CAPSL: variants seen among roughly 807,000 people sequenced by gnomAD.
CAPSL encodes the protein calcyphosine like.
Under a neutral mutation model 21.3 loss-of-function variants are expected in CAPSL, and 17 were observed. The ratio of observed to expected loss-of-function variants is 0.80; its 90% CI spans 0.55 to 1.20. The LOEUF is 1.20. Among genes scored for constraint, CAPSL ranks in the 50% most tolerant of loss-of-function variants. The pLI is 0.00. For missense variants in CAPSL, 289 were observed against 259.3 expected, an observed-to-expected ratio of 1.11 and a Z score of -0.79; for synonymous variants, 102 against 89.3, an observed-to-expected ratio of 1.14 and a Z score of -0.80.
At chr5:35,908,874 G>T (rs1030545804) in intron 4 of CAPSL, among the ~76,000 whole-genome samples, 2 of 152,116 alleles carry the variant, frequency 1.3e-5, no homozygotes, top group African/African-American at 4.8e-5. Flanking sequence ...TAAAAAGTTG[G>T]AGCACATTCC....
chr5:35,930,212 CAGAA>C (rs1738786080), intron 1 of CAPSL, among the ~76,000 whole-genome samples: 1 of 152,098 alleles, frequency 6.6e-6, no homozygotes, highest in South Asian at 2.1e-4. Context: ...TTCTCTGTAT[CAGAA>C]TACATTTTCT....
At chr5:35,907,140 G>A (rs1022202048) in intron 4 of CAPSL, among the ~76,000 whole-genome samples, 1 of 152,042 alleles carries the variant, frequency 6.6e-6, no homozygotes, top group Non-Finnish European at 1.5e-5. Flanking sequence ...CTCTTGACTA[G>A]GCTACCTTTA....
intron 1 of CAPSL, among the ~76,000 whole-genome samples, chr5:35,922,226 A>G (rs974079972): frequency 1.9e-4 from 29 of 152,282 alleles, no homozygotes; most frequent in Admixed American, 7.2e-4. Flanking sequence ...CGTCTATGCC[A>G]AGAGTGTTGT....
At chr5:35,928,888 C>A (rs1308291374) in intron 1 of CAPSL, among the ~76,000 whole-genome samples, 2 of 152,174 alleles carry the variant, frequency 1.3e-5, no homozygotes, top group South Asian at 4.1e-4. Context: ...ACAGCACTCA[C>A]CAAGCACAGT....
intron 1 of CAPSL, among the ~76,000 whole-genome samples, chr5:35,922,866 A>T (rs758364919): frequency 1.3e-5 from 2 of 152,188 alleles, no homozygotes; most frequent in Non-Finnish European, 2.9e-5. Context: ...TGAGTCACAG[A>T]CAAGACCACC....
intron 1 of CAPSL, among the ~76,000 whole-genome samples, chr5:35,937,837 C>CAA (rs11369328): frequency 0.052 from 7,675 of 146,432 alleles, 277 homozygotes; most frequent in East Asian, 0.099. Context: ...AAAAATAAGT[C>CAA]AAAAAAAAAA....
intron 2 of CAPSL, 35 bp downstream of exon 2, chr5:35,920,949 C>A (rs570721664): frequency 5.0e-6 from 8 of 1,606,950 alleles, no homozygotes; most frequent in Non-Finnish European, 6.8e-6. Context: ...CATTCCTTCC[C>A]GCTCCATTCC....
chr5:35,912,189 G>T (rs1485632383), intron 2 of CAPSL, among the ~76,000 whole-genome samples: 1 of 152,204 alleles, frequency 6.6e-6, no homozygotes, highest in Non-Finnish European at 1.5e-5. Flanking sequence ...GCTGAGGCTT[G>T]AGACGGTAAA....
chr5:35,906,563 C>A (rs1048779494), intron 4 of CAPSL, among the ~76,000 whole-genome samples: 2 of 152,106 alleles, frequency 1.3e-5, no homozygotes, highest in African/African-American at 4.8e-5. Context: ...GAAGGAAAGG[C>A]CAGGAAAATC....
At chr5:35,911,975 G>T (rs1234031595) in intron 2 of CAPSL, among the ~76,000 whole-genome samples, 2 of 152,184 alleles carry the variant, frequency 1.3e-5, no homozygotes, top group Non-Finnish European at 2.9e-5. Flanking sequence ...AGAAAGGGGT[G>T]ACAGACGGCA....
intron 2 of CAPSL, among the ~76,000 whole-genome samples, chr5:35,916,868 A>G (rs184102155): frequency 6.6e-6 from 1 of 152,326 alleles, no homozygotes; most frequent in Admixed American, 6.5e-5. Flanking sequence ...GACAAATGGC[A>G]TCTAATTAAA....
chr5:35,921,009 A>G lies in CAPSL; in HGVS notation c.112T>C (p.Ser38Pro). ...CTGCCAAGTCCTTTGATCCCAGCAG[A>G]GCCCCTGGCCAGGCACTGCAGTCGG... ...RLRLQCLARG[S>P]AGIKGLGRVF... The change falls in exon 2 of 5, where the codon TCT (serine) becomes CCT (proline). Residue 38 changes from serine to proline, a missense_variant. Ser to Pro is a moderately conservative substitution (Grantham distance 74). Transcript: ENST00000651391. 2 of 1,614,038 alleles carry G rather than the reference A, an allele frequency of 1.2e-6. No homozygotes were observed. The highest frequency in any genetic ancestry group is 2.2e-5 in the East Asian group (1 of 44,868).
At chr5:35,914,412 T>C (rs1213113293) in intron 2 of CAPSL, among the ~76,000 whole-genome samples, 8 of 152,248 alleles carry the variant, frequency 5.3e-5, no homozygotes, top group African/African-American at 1.7e-4. Context: ...ATACATTCTT[T>C]TCAGCACCAC....
chr5:35,921,985 T>G (rs1738551057), intron 1 of CAPSL, among the ~76,000 whole-genome samples: 1 of 151,878 alleles, frequency 6.6e-6, no homozygotes, highest in South Asian at 2.1e-4. Flanking sequence ...AAATGGGGGA[T>G]TCTGGAAGTT....
chr5:35,925,985 A>C (rs1738664869), intron 1 of CAPSL, among the ~76,000 whole-genome samples: 1 of 149,984 alleles, frequency 6.7e-6, no homozygotes, highest in Non-Finnish European at 1.5e-5. Context: ...CTGAGGCAGG[A>C]GAATCGCTTG....
chr5:35,912,958 GA>G (rs200072861), intron 2 of CAPSL, among the ~76,000 whole-genome samples: 5 of 151,396 alleles, frequency 3.3e-5, no homozygotes, highest in African/African-American at 4.8e-5. Flanking sequence ...TAAAAACCTT[GA>G]AAAAAAAATT....
At chr5:35,916,927 C>G (rs1371795228) in intron 2 of CAPSL, among the ~76,000 whole-genome samples, 1 of 152,148 alleles carries the variant, frequency 6.6e-6, no homozygotes, top group Non-Finnish European at 1.5e-5. Context: ...AGTGAAGAGG[C>G]AACCTACAGA....
At position 35,904,625 on chromosome 5, in the gene CAPSL, T is replaced by C; in HGVS notation, c.547A>G (p.Asn183Asp). ...GATGCGCTCACACCTGCATAGTAGT[T>C]CATGAACTCCTCAGGGGTCACCTGC... Reference protein sequence around the residue: ...DGLVTPEEFMNYYAGVSASID... With the variant: ...DGLVTPEEFMDYYAGVSASID... Residue 183 changes from asparagine to aspartate, a missense_variant, in exon 5 of 5, where the codon AAC becomes GAC. Transcript: ENST00000651391. The C allele has an allele frequency of 6.2e-7, 1 of 1,613,800 alleles. No individual in the cohort carries two copies. Among genetic ancestry groups the C allele is most frequent in the Non-Finnish European group, 8.5e-7 (1 of 1,179,944 alleles).
intron 2 of CAPSL, among the ~76,000 whole-genome samples, chr5:35,911,429 G>A (rs1011548113): frequency 6.6e-6 from 1 of 152,200 alleles, no homozygotes; most frequent in African/African-American, 2.4e-5. Flanking sequence ...GGTGCTTTAT[G>A]TCTGTGGTCC....
Sources: gnomAD v4.1 joint callset for allele counts (sites outside exome capture counted in the v4.1 genomes callset) on GRCh38, gnomAD v4.1.1 for gene constraint, MANE v1.5 for transcripts, NCBI Gene and HGNC (gene_info 2026-07-23, HGNC 2026-07-21) for gene names.